Variants in ETNK1 observed in about 807,000 individuals in gnomAD.
ETNK1 encodes the protein ethanolamine kinase 1, also known as putative protein product of Nbla10396.
A neutral mutation model predicts 45.1 loss-of-function variants in ETNK1; 8 were observed. The observed-to-expected ratio is 0.18, with a 90% CI of 0.10 to 0.32. ETNK1 has a LOEUF of 0.32. Ranked by LOEUF, ETNK1 falls within the 10% of genes least tolerant of loss-of-function variation. The pLI, the probability that ETNK1 is intolerant of heterozygous loss-of-function variation, is 1.00. For missense variants in ETNK1, 302 were observed against 430.6 expected (o/e 0.70, Z 2.64); for synonymous variants, 152 against 151.9 (o/e 1.00, Z -0.01).
chr12:22,676,037 T>G (rs1954157983), intron 6 of ETNK1, among the ~76,000 whole-genome samples: 1 of 152,190 alleles, frequency 6.6e-6, no homozygotes, highest in Non-Finnish European at 1.5e-5. Flanking sequence ...TACTTTAAGT[T>G]CTGGGGTACA....
At chr12:22,655,349 TTTTC>T (rs1209908688) in intron 2 of ETNK1, among the ~76,000 whole-genome samples, 4 of 149,102 alleles carry the variant, frequency 2.7e-5, no homozygotes, top group Non-Finnish European at 3.0e-5. Flanking sequence ...TTTTTTTTTT[TTTTC>T]GAGACGGAGT....
intron 2 of ETNK1, chr12:22,656,876 A>G (rs1953948664): frequency 2.3e-6 from 2 of 876,194 alleles, no homozygotes; most frequent in East Asian, 1.2e-4. Context: ...TTTCTAAGAT[A>G]TAATATTCTG....
At chr12:22,679,912 G>A (rs1954197952) in intron 6 of ETNK1, among the ~76,000 whole-genome samples, 2 of 152,000 alleles carry the variant, frequency 1.3e-5, no homozygotes, top group Admixed American at 6.6e-5. Context: ...GGCTGGTTTC[G>A]AACTCCTGAC....
intron 1 of ETNK1, among the ~76,000 whole-genome samples, chr12:22,631,129 G>A (rs1953574039): frequency 6.6e-6 from 1 of 151,644 alleles, no homozygotes; most frequent in South Asian, 2.1e-4. Flanking sequence ...AATAAGTTAT[G>A]GTAGAGGTTA....
intron 4 of ETNK1, among the ~76,000 whole-genome samples, chr12:22,663,651 T>C (rs1592131189): frequency 2.0e-5 from 3 of 152,298 alleles, no homozygotes; most frequent in Admixed American, 2.0e-4. Context: ...TGCAAGGTTG[T>C]CATTTGTTTT....
At chr12:22,656,769 A>G in intron 2 of ETNK1, 1 of 980,546 alleles carries the variant, frequency 1.0e-6, no homozygotes, top group Non-Finnish European at 1.2e-6. Context: ...AAATGATATT[A>G]TTTTTCATTT....
intron 2 of ETNK1, 138 bp downstream of exon 2, chr12:22,644,160 T>C (rs773244995): frequency 8.4e-5 from 129 of 1,527,054 alleles, no homozygotes; most frequent in Non-Finnish European, 1.1e-4. Context: ...GTTTTTGTTT[T>C]TGTTCTTGTT....
intron 2 of ETNK1, among the ~76,000 whole-genome samples, chr12:22,646,946 G>C (rs1297554417): frequency 1.3e-5 from 2 of 151,722 alleles, no homozygotes; most frequent in African/African-American, 4.8e-5. Context: ...AGTTGATTTT[G>C]GGCATACATA....
chr12:22,686,878 T>TG lies in ETNK1; in HGVS notation c.*1924_*1925insG, dbSNP rs1491331990. 4 of 145,424 alleles carry TG rather than the reference T, an allele frequency of 2.8e-5. No individual in the cohort carries two copies. The highest frequency in any genetic ancestry group is 6.0e-5 in the Non-Finnish European group (4 of 66,350). 9.0% of individuals were successfully genotyped at this position (145,424 alleles called of 1,614,324 possible). A position where few individuals can be genotyped will look rare whatever the true frequency, so the allele number is the denominator to read the frequency against. On this transcript the variant is annotated 3_prime_UTR_variant, in exon 8 of 8. Transcript: ENST00000266517. ...TTTTTTTTTTTTTTTTTTTTTTTTT[T>TG]TGCTTTCTGCCTTCTAAAGTGCAAC...
chr12:22,659,183 GT>G, intron 3 of ETNK1, 29 bp downstream of exon 3: 1 of 1,591,264 alleles, frequency 6.3e-7, no homozygotes, highest in South Asian at 1.1e-5. Flanking sequence ...TTGAAATTAT[GT>G]TTTACATTGC....
chr12:22,625,891 C>T, intron 1 of ETNK1: 7 of 636,624 alleles, frequency 1.1e-5, no homozygotes, highest in South Asian at 1.1e-4. Flanking sequence ...ACTCCCCAGT[C>T]CACGGTCACT....
intron 2 of ETNK1, among the ~76,000 whole-genome samples, chr12:22,653,253 A>G (rs1451835709): frequency 6.6e-6 from 1 of 152,152 alleles, no homozygotes. Context: ...TGTTTTGATT[A>G]CAGTGGCTTT....
intron 4 of ETNK1, among the ~76,000 whole-genome samples, chr12:22,670,347 G>A (rs1954095697): frequency 6.7e-6 from 1 of 150,066 alleles, no homozygotes; most frequent in Non-Finnish European, 1.5e-5. Flanking sequence ...GTGATCCCTG[G>A]TGAAGACAGT....
At position 22,686,022 on chromosome 12, in the gene ETNK1, AC is replaced by A. The variant is rs1012037447; in HGVS notation, c.*1069del. ...GACTGATAGCAAATGATTACTTGAT[AC>A]ATGTAAGTTCAGCGTTATATGTTGA... is the stretch of plus-strand genomic sequence containing the variant. On this transcript the variant is annotated 3_prime_UTR_variant, in exon 8 of 8. Transcript: ENST00000266517. 2.2e-4 allele frequency: 34 copies of A among 152,480 alleles called. No homozygotes were observed. Among genetic ancestry groups the A allele is most frequent in the African/African-American group, 8.2e-4 (34 of 41,558 alleles). 9.4% of individuals were successfully genotyped at this position (152,480 alleles called of 1,614,324 possible). A position where few individuals can be genotyped will look rare whatever the true frequency, so the allele number is the denominator to read the frequency against.
rs1371419303 is a variant in ETNK1, at chr12:22,661,135, C to T, written c.630C>T (p.Asn210=). The change falls in exon 4 of 8, where the codon AAC becomes AAT. Residue 210 remains asparagine (N), a synonymous_variant. Coordinates refer to ENST00000266517, the MANE Select transcript of ETNK1 (RefSeq NM_018638.5). ...CTTGGATGAAGGAGATTCTTTCCAACCTGGGCTCACCTGTTGTGCTTTGCC... is the reference window on the plus strand; with the variant it reads ...CTTGGATGAAGGAGATTCTTTCCAATCTGGGCTCACCTGTTGTGCTTTGCC... ...EMTWMKEILS[N]LGSPVVLCHN... The T allele has an allele frequency of 1.2e-6, 2 of 1,612,490 alleles. No homozygotes were observed. Among genetic ancestry groups the T allele is most frequent in the African/African-American group, 1.3e-5 (1 of 74,972 alleles).
chr12:22,636,964 G>T lies in ETNK1; in HGVS notation c.157-6799G>T, dbSNP rs145899035. On this transcript the variant is annotated intron_variant, in intron 1 of 7. Transcript: ENST00000266517. ...TGTAGATTTTGGCATTGTTGCGGGG[G>T]TGGGATCCTGCACCGAATCCCCCTC... Among the ~76,000 whole-genome samples the T allele has an allele frequency of 2.1e-4, 32 of 152,278 alleles. 1 individual carries two copies. In the East Asian group the frequency reaches 6.2e-3, roughly 29 times the overall value.
chr12:22,657,011 G>A (rs1953950964), intron 2 of ETNK1: 1 of 161,034 alleles, frequency 6.2e-6, no homozygotes, highest in Non-Finnish European at 1.3e-5. Flanking sequence ...GTGTGTGTCT[G>A]TGTGTGCATG....
At chr12:22,673,465 TA>T (rs1269466423) in intron 5 of ETNK1, 34 bp from the exon 6 acceptor site, 13 of 1,521,944 alleles carry the variant, frequency 8.5e-6, no homozygotes, top group Non-Finnish European at 1.2e-5. Flanking sequence ...GTTTATGTTT[TA>T]AAATTTTTGA....
intron 3 of ETNK1, among the ~76,000 whole-genome samples, chr12:22,660,397 T>C (rs138127677): frequency 6.2e-4 from 95 of 152,272 alleles, no homozygotes; most frequent in African/African-American, 2.1e-3. Flanking sequence ...TTAATACAAG[T>C]ATAGATAATA....
Sources: gnomAD v4.1 joint callset for allele counts (sites outside exome capture counted in the v4.1 genomes callset) on GRCh38, gnomAD v4.1.1 for gene constraint, MANE v1.5 for transcripts, NCBI Gene and HGNC (gene_info 2026-07-23, HGNC 2026-07-21) for gene names.